ARHGAP42: variants seen among roughly 807,000 people sequenced by gnomAD.
ARHGAP42 encodes the protein rho GTPase-activating protein 42.
Under a neutral mutation model 125.0 loss-of-function variants are expected in ARHGAP42, and 63 were observed. The observed-to-expected ratio is 0.50, with a 90% confidence interval of 0.41 to 0.62. The LOEUF (loss-of-function observed/expected upper bound fraction) is 0.62, where lower values mean the gene tolerates loss of function less well. ARHGAP42 is among the 20% of genes least tolerant of loss of function. The pLI is 0.00. For synonymous variants in ARHGAP42, 339 were observed against 351.0 expected, an observed-to-expected ratio of 0.97 and a Z score of 0.38; for missense variants, 766 against 1,024.2, an observed-to-expected ratio of 0.75 and a Z score of 3.44.
intron 1 of ARHGAP42, among the ~76,000 whole-genome samples, chr11:100,763,126 G>A (rs940796539): frequency 2.0e-5 from 3 of 151,166 alleles, no homozygotes; most frequent in East Asian, 2.0e-4. Context: ...ATACAGGCAT[G>A]CGCTACCATG....
At chr11:100,975,975 T>C (rs1858379310) in intron 19 of ARHGAP42, 82 bp from the exon 20 acceptor site, 6 of 1,413,284 alleles carry the variant, frequency 4.2e-6, no homozygotes, top group Non-Finnish European at 1.9e-6. Flanking sequence ...ACATGGTAAG[T>C]TGGAGAACAG....
Position 100,974,517 on chromosome 11 carries a change from G to T in ARHGAP42, c.1769G>T (p.Gly590Val). ...CTTCCTCAGCCTCAGTCTCGATCTG[G>T]ATCCCGAAGGACACGAGCAATCTGC... ...IPLPQPQSRS[G>V]SRRTRAICLS... The change falls in exon 19 of 24, where the codon GGA becomes GTA. Residue 590 changes from glycine to valine, a missense_variant. Around this residue, in one of 3 missense-constraint regions of ARHGAP42, gnomAD observed 308 missense variants for 369.7 expected, o/e 0.83. Coordinates refer to ENST00000298815, the MANE Select transcript of ARHGAP42 (RefSeq NM_152432.4). 1.3e-6 allele frequency: 2 copies of T among 1,550,808 alleles called. No individual in the cohort carries two copies. The highest frequency in any genetic ancestry group is 1.7e-6 in the Non-Finnish European group (2 of 1,146,678).
At chr11:100,769,230 A>T (rs901764706) in intron 1 of ARHGAP42, among the ~76,000 whole-genome samples, 7 of 152,176 alleles carry the variant, frequency 4.6e-5, no homozygotes, top group Non-Finnish European at 1.0e-4. Context: ...GTATGTTTTT[A>T]TGTGGTGCTT....
chr11:100,849,083 C>A (rs945496634), intron 3 of ARHGAP42, among the ~76,000 whole-genome samples: 5 of 152,102 alleles, frequency 3.3e-5, no homozygotes, highest in African/African-American at 1.2e-4. Context: ...AGGGTAAGAC[C>A]AAAAGAGGTC....
Position 100,895,896 on chromosome 11 carries a change from A to T in ARHGAP42, c.385-17556A>T, listed in dbSNP as rs559883620. 8.3e-4 allele frequency among the ~76,000 whole-genome samples: 126 copies of T among 151,738 alleles called. 4 individuals carry two copies. Among genetic ancestry groups the T allele is most frequent in the Admixed American group, 8.3e-3 (126 of 15,214 alleles). ...AGGGTACATGTGCACAACGTGTAGG[A>T]TTGTTACATAGGTATACATGTGCCA... On this transcript the variant is annotated intron_variant, in intron 4 of 23. Transcript: ENST00000298815.
chr11:100,929,764 A>G (rs1447223712), intron 6 of ARHGAP42, among the ~76,000 whole-genome samples: 1 of 152,084 alleles, frequency 6.6e-6, no homozygotes, highest in Non-Finnish European at 1.5e-5. Flanking sequence ...TTGTCTTTTT[A>G]TTATTTAATT....
At chr11:100,764,680 T>C (rs1565204215) in intron 1 of ARHGAP42, among the ~76,000 whole-genome samples, 3 of 152,088 alleles carry the variant, frequency 2.0e-5, no homozygotes, top group Admixed American at 2.0e-4. Flanking sequence ...TGTAAGAATG[T>C]GAAAGGAAAG....
intron 1 of ARHGAP42, among the ~76,000 whole-genome samples, chr11:100,765,027 CT>C (rs931033572): frequency 1.3e-5 from 2 of 151,724 alleles, no homozygotes; most frequent in Non-Finnish European, 2.9e-5. Context: ...GAAAAAAGGC[CT>C]TTTTTTTGGC....
chr11:100,777,302 T>C (rs1033447741), intron 2 of ARHGAP42, among the ~76,000 whole-genome samples: 3 of 152,212 alleles, frequency 2.0e-5, no homozygotes, highest in African/African-American at 7.2e-5. Flanking sequence ...TCTCTGAGGC[T>C]GGGTGTGCAT....
intron 18 of ARHGAP42, 130 bp downstream of exon 18, chr11:100,973,464 T>C: frequency 1.0e-6 from 1 of 961,962 alleles, no homozygotes; most frequent in Non-Finnish European, 1.5e-6. Flanking sequence ...TTTTCTTTCC[T>C]TGTTGTTTTT....
intron 3 of ARHGAP42, among the ~76,000 whole-genome samples, chr11:100,836,410 G>A (rs953883813): frequency 3.9e-5 from 6 of 152,024 alleles, no homozygotes; most frequent in African/African-American, 1.4e-4. Flanking sequence ...CAGCCCTTTT[G>A]CTAGATGAAA....
intron 1 of ARHGAP42, among the ~76,000 whole-genome samples, chr11:100,754,098 A>T (rs560874253): frequency 1.1e-4 from 17 of 152,248 alleles, no homozygotes; most frequent in Non-Finnish European, 2.5e-4. Flanking sequence ...AATTCCCATT[A>T]GTGCTACTTA....
chr11:100,810,890 C>A (rs1864123672), intron 3 of ARHGAP42, among the ~76,000 whole-genome samples: 5 of 152,044 alleles, frequency 3.3e-5, no homozygotes, highest in African/African-American at 1.2e-4. Flanking sequence ...GAGTGTTCAG[C>A]ATTTCCCAAA....
intron 4 of ARHGAP42, among the ~76,000 whole-genome samples, chr11:100,892,766 T>C (rs1362154270): frequency 1.3e-5 from 2 of 152,254 alleles, no homozygotes; most frequent in Admixed American, 6.5e-5. Flanking sequence ...GTTTTCCATG[T>C]ACAGCATGAC....
At chr11:100,909,202 A>C (rs1374524615) in intron 4 of ARHGAP42, among the ~76,000 whole-genome samples, 1 of 151,478 alleles carries the variant, frequency 6.6e-6, no homozygotes, top group Non-Finnish European at 1.5e-5. Flanking sequence ...CTTGTTGATT[A>C]TTTCTTTTGC....
intron 4 of ARHGAP42, among the ~76,000 whole-genome samples, chr11:100,878,365 T>C (rs1341232553): frequency 1.3e-5 from 2 of 152,098 alleles, no homozygotes; most frequent in African/African-American, 2.4e-5. Flanking sequence ...GTTATATTGA[T>C]ACGATTTGGC....
intron 3 of ARHGAP42, among the ~76,000 whole-genome samples, chr11:100,804,402 C>T (rs1365627428): frequency 6.6e-6 from 1 of 151,928 alleles, no homozygotes; most frequent in Non-Finnish European, 1.5e-5. Context: ...AATTTATAAC[C>T]TTCATTAAAA....
intron 4 of ARHGAP42, among the ~76,000 whole-genome samples, chr11:100,908,419 C>T (rs1202097085): frequency 6.6e-6 from 1 of 152,140 alleles, no homozygotes; most frequent in Non-Finnish European, 1.5e-5. Flanking sequence ...TTGGAGTCTC[C>T]AGTGTCTATT....
intron 3 of ARHGAP42, among the ~76,000 whole-genome samples, chr11:100,803,361 T>C (rs1054156475): frequency 6.6e-6 from 1 of 152,084 alleles, no homozygotes; most frequent in Non-Finnish European, 1.5e-5. Context: ...GTGTGAGGCA[T>C]TTAAAGCTAT....
Sources: gnomAD v4.1 joint callset for allele counts (sites outside exome capture counted in the v4.1 genomes callset) on GRCh38, gnomAD v4.1.1 for gene constraint, gnomAD v4.1.1 regional missense constraint, MANE v1.5 for transcripts, NCBI Gene and HGNC (gene_info 2026-07-23, HGNC 2026-07-21) for gene names.